Variants in ECT2L observed in about 807,000 individuals in gnomAD.
ECT2L encodes the protein epithelial cell-transforming sequence 2 oncogene-like.
A neutral mutation model predicts 122.8 loss-of-function variants in ECT2L; 126 were observed. The ratio of observed to expected loss-of-function variants is 1.03; its 90% CI spans 0.89 to 1.19. The LOEUF (loss-of-function observed/expected upper bound fraction) is 1.19, where lower values mean the gene tolerates loss of function less well. ECT2L is among the 50% of genes most tolerant of loss of function. ECT2L has a pLI of 0.00. For missense variants in ECT2L, 1,012 were observed against 1,064.1 expected (o/e 0.95, Z 0.68); for synonymous variants, 385 against 381.8 (o/e 1.01, Z -0.10).
chr6:138,803,350 C>CTA (rs1226382215), intron 1 of ECT2L, among the ~76,000 whole-genome samples: 5 of 150,912 alleles, frequency 3.3e-5, no homozygotes, highest in African/African-American at 1.2e-4. Context: ...ACACAATATA[C>CTA]TATACTATGC....
chr6:138,896,485 C>T (rs1231955917), intron 20 of ECT2L, among the ~76,000 whole-genome samples: 1 of 152,158 alleles, frequency 6.6e-6, no homozygotes, highest in Non-Finnish European at 1.5e-5. Context: ...AGAAAATGTA[C>T]CCAGGCTTCT....
rs1402213391 is a variant in ECT2L, at chr6:138,864,993, C to A, written c.1292-3C>A. ...CAATAATAACAGAAGAAAATCATGTCAGTTCTTAGTGATTGGCTGGGATCC... is the reference window on the plus strand; with the variant it reads ...CAATAATAACAGAAGAAAATCATGTAAGTTCTTAGTGATTGGCTGGGATCC... On this transcript the variant is annotated splice_region_variant and splice_polypyrimidine_tract_variant and intron_variant, in intron 11 of 21. Transcript: ENST00000541398. 1.2e-6 allele frequency: 2 copies of A among 1,610,362 alleles called. No homozygotes were observed.
At chr6:138,887,286 G>C (rs943223050) in intron 19 of ECT2L, among the ~76,000 whole-genome samples, 1 of 151,356 alleles carries the variant, frequency 6.6e-6, no homozygotes, top group Non-Finnish European at 1.5e-5. Flanking sequence ...GAGTGCAGTG[G>C]CACAATCTCA....
At chr6:138,846,491 C>T in intron 7 of ECT2L, 48 bp from the exon 8 acceptor site, 2 of 1,529,356 alleles carry the variant, frequency 1.3e-6, no homozygotes, top group South Asian at 2.6e-5. Flanking sequence ...TACCAAAACT[C>T]AAGGTAAGAG....
At chr6:138,855,890 G>A (rs998023120) in intron 10 of ECT2L, among the ~76,000 whole-genome samples, 6 of 152,208 alleles carry the variant, frequency 3.9e-5, no homozygotes, top group African/African-American at 1.2e-4. Context: ...ACTTGGGAAA[G>A]TATTGAAAGG....
At position 138,886,875 on chromosome 6, in the gene ECT2L, A is replaced by G; in HGVS notation, c.2278A>G (p.Met760Val). 2 of 1,613,592 alleles carry G rather than the reference A, an allele frequency of 1.2e-6. No individual in the cohort carries two copies. The highest frequency in any genetic ancestry group is 1.1e-5 in the South Asian group (1 of 90,954). Residue 760 changes from methionine to valine, a missense_variant, in exon 19 of 22, where the codon ATG becomes GTG. Coordinates refer to ENST00000541398, the MANE Select transcript of ECT2L (RefSeq NM_001077706.3). The stretch of plus-strand genomic sequence containing the variant: ...CCCCTAGATGAAGCAAAACATCACT[A>G]TGAAGGATCATCTGTCAGATATACA... The part of the protein sequence containing the change: ...YIDQMKQNIT[M>V]KDHLSDIQRI...
At chr6:138,855,599 T>C (rs1397947526) in intron 10 of ECT2L, among the ~76,000 whole-genome samples, 3 of 152,226 alleles carry the variant, frequency 2.0e-5, no homozygotes, top group African/African-American at 7.2e-5. Flanking sequence ...TTATAATTTT[T>C]CTACTTTTCT....
chr6:138,817,364 T>C (rs920690433), intron 4 of ECT2L, among the ~76,000 whole-genome samples: 2 of 152,228 alleles, frequency 1.3e-5, no homozygotes, highest in African/African-American at 4.8e-5. Context: ...TTTTGGATCA[T>C]TTATTCCTGT....
At chr6:138,807,898 T>C (rs1453885532) in intron 1 of ECT2L, among the ~76,000 whole-genome samples, 2 of 151,882 alleles carry the variant, frequency 1.3e-5, no homozygotes, top group East Asian at 1.9e-4. Flanking sequence ...TGCCAATACC[T>C]CATGCTGTTA....
chr6:138,887,620 C>A (rs1245788669), intron 19 of ECT2L, among the ~76,000 whole-genome samples: 1 of 152,128 alleles, frequency 6.6e-6, no homozygotes, highest in Non-Finnish European at 1.5e-5. Context: ...CCTGTGTTAG[C>A]GACGTGTTAA....
intron 10 of ECT2L, 52 bp from the exon 11 acceptor site, chr6:138,862,558 ATCCAAGTTATATGATCT>A: frequency 1.4e-6 from 2 of 1,446,554 alleles, no homozygotes; most frequent in Non-Finnish European, 1.9e-6. Context: ...GGGAACAAAT[ATCCAAGTTATATGATCT>A]TCCATGGCAA....
At chr6:138,845,019 A>G (rs1332481194) in intron 7 of ECT2L, among the ~76,000 whole-genome samples, 2 of 152,144 alleles carry the variant, frequency 1.3e-5, no homozygotes, top group Non-Finnish European at 2.9e-5. Flanking sequence ...TTTTTCCACA[A>G]GTGTTTTCTA....
At chr6:138,835,314 C>T (rs924089096) in intron 4 of ECT2L, among the ~76,000 whole-genome samples, 39 of 152,036 alleles carry the variant, frequency 2.6e-4, no homozygotes, top group African/African-American at 9.2e-4. Context: ...TTTGGGAGGC[C>T]AAGGCAGGCG....
At chr6:138,888,317 C>CTTTTTTTT (rs71270363) in intron 19 of ECT2L, among the ~76,000 whole-genome samples, 2 of 128,644 alleles carry the variant, frequency 1.6e-5, no homozygotes, top group East Asian at 2.4e-4. Flanking sequence ...TTTTTCTTTT[C>CTTTTTTTT]TTTTTTTTTT....
chr6:138,843,230 G>C lies in ECT2L; in HGVS notation c.594G>C (p.Lys198Asn). ...TTTGGGAGAAAATTGCACTACGTAAGAGTAAGTAGCATTTTAAACCTTTAT... is the reference window on the plus strand; with the variant it reads ...TTTGGGAGAAAATTGCACTACGTAACAGTAAGTAGCATTTTAAACCTTTAT... ...KRIWEKIALR[K>N]KELFKVRPPW... is the part of the protein sequence containing the mutation. Residue 198 changes from lysine to asparagine, a missense_variant and splice_region_variant, in exon 6 of 22, where the codon AAG becomes AAC. Physicochemically the swap from Lys to Asn is moderately conservative, Grantham distance 94. Coordinates refer to ENST00000541398, the MANE Select transcript of ECT2L (RefSeq NM_001077706.3). The C allele has an allele frequency of 6.3e-7, 1 of 1,590,880 alleles. No homozygotes were observed. The highest frequency in any genetic ancestry group is 1.1e-5 in the South Asian group (1 of 88,184).
chr6:138,850,248 G>T (rs185884176), intron 9 of ECT2L, among the ~76,000 whole-genome samples: 1 of 151,984 alleles, frequency 6.6e-6, no homozygotes, highest in Non-Finnish European at 1.5e-5. Flanking sequence ...GGGTTCAAGC[G>T]ATTCTCCTGC....
At chr6:138,816,429 T>C (rs559147176) in intron 4 of ECT2L, among the ~76,000 whole-genome samples, 4 of 152,206 alleles carry the variant, frequency 2.6e-5, no homozygotes, top group Non-Finnish European at 5.9e-5. Context: ...AGCAGCAGCA[T>C]TTCTTCAGAG....
chr6:138,863,021 A>G (rs539934657), intron 11 of ECT2L, among the ~76,000 whole-genome samples: 1 of 152,360 alleles, frequency 6.6e-6, no homozygotes, highest in South Asian at 2.1e-4. Flanking sequence ...AAGTACAAAG[A>G]AAAACTTTTC....
intron 4 of ECT2L, among the ~76,000 whole-genome samples, chr6:138,815,744 G>C (rs1295478725): frequency 1.3e-5 from 2 of 152,216 alleles, no homozygotes; most frequent in Non-Finnish European, 2.9e-5. Context: ...ACTTGGTGGT[G>C]AGGTTGCAGG....
Sources: gnomAD v4.1 joint callset for allele counts (sites outside exome capture counted in the v4.1 genomes callset) on GRCh38, gnomAD v4.1.1 for gene constraint, MANE v1.5 for transcripts, NCBI Gene and HGNC (gene_info 2026-07-23, HGNC 2026-07-21) for gene names.